The following CEP128 variants were observed in gnomAD, a reference collection of about 807,000 sequenced individuals.
CEP128 encodes the protein centrosomal protein 128kDa.
A neutral mutation model predicts 156.7 loss-of-function variants in CEP128; 132 were observed. That is an observed-to-expected ratio of 0.84 (90% CI 0.73 to 0.97). The LOEUF is 0.97. Among genes scored for constraint, CEP128 ranks in the 50% least tolerant of loss-of-function variants. The pLI, the probability that CEP128 is intolerant of heterozygous loss-of-function variation, is 0.00. For synonymous variants in CEP128, 469 were observed against 448.9 expected, an observed-to-expected ratio of 1.04 and a Z score of -0.57; for missense variants, 1,252 against 1,281.9, an observed-to-expected ratio of 0.98 and a Z score of 0.36.
At chr14:80,662,074 T>C (rs1029408062) in intron 19 of CEP128, among the ~76,000 whole-genome samples, 2 of 152,128 alleles carry the variant, frequency 1.3e-5, no homozygotes, top group Admixed American at 6.6e-5. Context: ...AGCAACATGA[T>C]CTCAGCTGAA....
At chr14:80,759,335 A>G (rs1443645896) in intron 17 of CEP128, among the ~76,000 whole-genome samples, 1 of 152,224 alleles carries the variant, frequency 6.6e-6, no homozygotes, top group African/African-American at 2.4e-5. Context: ...TTTACATACA[A>G]TGGCTGAAAA....
intron 8 of CEP128, among the ~76,000 whole-genome samples, chr14:80,890,422 T>C (rs4903944): frequency 0.41 from 62,259 of 151,976 alleles, 13,117 homozygotes; most frequent in South Asian, 0.52. Flanking sequence ...GTGGCACATA[T>C]ACACCATGGA....
chr14:80,788,509 A>C (rs1460915651), intron 14 of CEP128, among the ~76,000 whole-genome samples: 1 of 152,034 alleles, frequency 6.6e-6, no homozygotes, highest in Admixed American at 6.6e-5. Context: ...GTTTCAACCT[A>C]AACTTGTCTT....
At chr14:80,810,158 C>T (rs2139936933) in intron 13 of CEP128, among the ~76,000 whole-genome samples, 1 of 151,330 alleles carries the variant, frequency 6.6e-6, no homozygotes, top group Middle Eastern at 3.4e-3. Flanking sequence ...CCCGTCTTTA[C>T]TAAAAATACA....
At chr14:80,864,935 T>C (rs1470638560) in intron 8 of CEP128, among the ~76,000 whole-genome samples, 1 of 152,192 alleles carries the variant, frequency 6.6e-6, no homozygotes, top group East Asian at 1.9e-4. Flanking sequence ...AAATAACTAG[T>C]CAAGCCAATC....
Position 80,497,490 on chromosome 14 carries a change from A to G in CEP128, c.3274T>C (p.Tyr1092His). The change falls in exon 25 of 25, where the codon TAT (tyrosine) becomes CAT (histidine). Residue 1092 changes from tyrosine (Y) to histidine (H), a missense_variant. Physicochemically the swap from Tyr to His is moderately conservative, Grantham distance 83. Transcript: ENST00000555265. ...GTSSQPKKEEYGS is the reference protein window; with the variant it reads ...GTSSQPKKEEHGS The stretch of plus-strand genomic sequence containing the variant: ...TTACATTTGCTTTTTTAGCTCCCAT[A>G]TTCCTCTTTTTTGGGTTGTGAACTT... 6.2e-7 allele frequency: 1 copy of G among 1,608,280 alleles called. No individual in the cohort carries two copies. Among genetic ancestry groups the G allele is most frequent in the East Asian group, 2.2e-5 (1 of 44,750 alleles).
intron 7 of CEP128, among the ~76,000 whole-genome samples, chr14:80,896,334 A>G (rs1239569137): frequency 4.6e-5 from 7 of 152,172 alleles, no homozygotes; most frequent in African/African-American, 1.7e-4. Context: ...AAGATTTACA[A>G]TGAAAAGAAA....
At chr14:80,692,988 T>C (rs1314313701) in intron 19 of CEP128, among the ~76,000 whole-genome samples, 1 of 152,242 alleles carries the variant, frequency 6.6e-6, no homozygotes, top group African/African-American at 2.4e-5. Flanking sequence ...TGTTAAAATG[T>C]AGATTCTAAT....
chr14:80,604,417 C>T (rs891826165), intron 19 of CEP128, among the ~76,000 whole-genome samples: 1 of 152,076 alleles, frequency 6.6e-6, no homozygotes, highest in Admixed American at 6.5e-5. Context: ...TAGTGTTTCC[C>T]ATGCTGAGAT....
intron 16 of CEP128, among the ~76,000 whole-genome samples, chr14:80,766,042 A>T (rs1025533572): frequency 1.3e-5 from 2 of 152,234 alleles, no homozygotes; most frequent in Non-Finnish European, 2.9e-5. Flanking sequence ...AATATATGAC[A>T]TATTGACATA....
intron 13 of CEP128, among the ~76,000 whole-genome samples, chr14:80,795,705 T>C (rs952877208): frequency 3.9e-5 from 6 of 152,256 alleles, no homozygotes; most frequent in Non-Finnish European, 7.4e-5. Flanking sequence ...GACCCTACCA[T>C]TTTTACCTTT....
chr14:80,784,222 T>TC (rs754171754), intron 15 of CEP128, among the ~76,000 whole-genome samples: 2 of 151,582 alleles, frequency 1.3e-5, no homozygotes, highest in Non-Finnish European at 2.9e-5. Context: ...AGTCTTCATT[T>TC]CAATAAGGGG....
At chr14:80,810,215 C>A (rs1483864939) in intron 13 of CEP128, among the ~76,000 whole-genome samples, 1 of 146,190 alleles carries the variant, frequency 6.8e-6, no homozygotes, top group Non-Finnish European at 1.5e-5. Flanking sequence ...CCCAACCACT[C>A]GGGAGGCTGA....
chr14:80,814,458 C>T (rs949832075), intron 13 of CEP128, among the ~76,000 whole-genome samples: 9 of 150,242 alleles, frequency 6.0e-5, no homozygotes, highest in African/African-American at 2.2e-4. Flanking sequence ...GATCCTCTTC[C>T]TAGCACAATC....
rs954548464 is a variant in CEP128 at position 80,874,719 on chromosome 14, G to T, written c.646-11846C>A. ...TGCAAGCTCCACCTCCCGGGTTCAC[G>T]CCATTCTCCCACCTCAGCCTCCTGA... On this transcript the variant is annotated intron_variant, in intron 8 of 24. Transcript: ENST00000555265. 5.9e-5 allele frequency among the ~76,000 whole-genome samples: 9 copies of T among 152,028 alleles called. No individual in the cohort carries two copies. The East Asian group carries it at 1.6e-3, about 26-fold the overall frequency.
chr14:80,774,268 G>C (rs1396239461), intron 16 of CEP128, among the ~76,000 whole-genome samples: 1 of 152,024 alleles, frequency 6.6e-6, no homozygotes, highest in Non-Finnish European at 1.5e-5. Flanking sequence ...AAACCACACA[G>C]TCAAAATAAA....
intron 19 of CEP128, among the ~76,000 whole-genome samples, chr14:80,697,024 G>A (rs1023679626): frequency 2.0e-5 from 3 of 151,998 alleles, no homozygotes; most frequent in African/African-American, 4.8e-5. Context: ...ATTAAAGATC[G>A]GTCTTCAAGT....
intron 2 of CEP128, among the ~76,000 whole-genome samples, chr14:80,950,280 T>C: frequency 6.6e-6 from 1 of 152,216 alleles, no homozygotes; most frequent in East Asian, 1.9e-4. Flanking sequence ...AACTTTAGAC[T>C]TCTAGCCTCC....
chr14:80,532,460 T>C (rs923645153), intron 21 of CEP128, among the ~76,000 whole-genome samples: 6 of 152,186 alleles, frequency 3.9e-5, no homozygotes, highest in African/African-American at 1.4e-4. Context: ...CTGCCTGGCA[T>C]ATCCAATCCA....
Sources: allele counts gnomAD v4.1 joint callset (sites outside exome capture counted in the v4.1 genomes callset), GRCh38; gene constraint gnomAD v4.1.1; transcripts MANE v1.5; gene names NCBI Gene and HGNC (gene_info 2026-07-23, HGNC 2026-07-21).